The following DSCAML1 variants were observed in gnomAD, a reference collection of about 807,000 sequenced individuals.
DSCAML1 encodes cell adhesion molecule DSCAML1.
In DSCAML1, 38 loss-of-function variants were observed where a neutral mutation model predicts 200.5. The ratio of observed to expected loss-of-function variants is 0.19; its 90% CI spans 0.15 to 0.25. The LOEUF (loss-of-function observed/expected upper bound fraction) is 0.25, where lower values mean the gene tolerates loss of function less well. DSCAML1 is among the 10% of genes least tolerant of loss of function. The probability of loss-of-function intolerance (pLI) is 1.00; values close to 1 mark genes in which losing one functional copy is unlikely to be tolerated. For synonymous variants in DSCAML1, 1,215 were observed against 1,165.0 expected (o/e 1.04, Z -0.87); for missense variants, 2,223 against 2,858.8 (o/e 0.78, Z 5.07).
intron 1 of DSCAML1, among the ~76,000 whole-genome samples, chr11:117,814,809 C>G (rs1365368178): frequency 6.6e-6 from 1 of 152,244 alleles, no homozygotes; most frequent in African/African-American, 2.4e-5. Context: ...GCTCGTCCCC[C>G]TCCTGCCCCC....
chr11:117,749,719 G>C (rs1252426923), intron 3 of DSCAML1, among the ~76,000 whole-genome samples: 1 of 152,242 alleles, frequency 6.6e-6, no homozygotes, highest in African/African-American at 2.4e-5. Context: ...AACCAGCACG[G>C]TCGGGCTGAG....
chr11:117,696,466 A>G (rs2137733005), intron 3 of DSCAML1, among the ~76,000 whole-genome samples: 1 of 152,330 alleles, frequency 6.6e-6, no homozygotes, highest in Non-Finnish European at 1.5e-5. Context: ...GTGCTCTTTG[A>G]AGATTATTTA....
intron 16 of DSCAML1, among the ~76,000 whole-genome samples, chr11:117,466,946 C>T (rs989455957): frequency 6.6e-6 from 1 of 152,186 alleles, no homozygotes; most frequent in African/African-American, 2.4e-5. Context: ...CTGCAGTGCC[C>T]CAGACGCCAA....
intron 6 of DSCAML1, among the ~76,000 whole-genome samples, chr11:117,519,031 T>A (rs556403189): frequency 6.6e-6 from 1 of 152,202 alleles, no homozygotes; most frequent in East Asian, 1.9e-4. Context: ...GAGTCTTTTG[T>A]CTCATGGACG....
intron 21 of DSCAML1, among the ~76,000 whole-genome samples, chr11:117,441,830 T>C (rs2048055938): frequency 6.6e-6 from 1 of 151,564 alleles, no homozygotes; most frequent in East Asian, 1.9e-4. Flanking sequence ...GGCAGAGGGG[T>C]CCACATGAAG....
chr11:117,482,177 C>T lies in DSCAML1; in HGVS notation c.2360-15G>A. On this transcript the variant is annotated splice_polypyrimidine_tract_variant and intron_variant, in intron 11 of 32. Transcript: ENST00000651296. ...CATGGCCGGGACTGGGGGGCGGAGG[C>T]AGAGAAGGCCCAGTGAAGGTCGGGA... 6.2e-7 allele frequency: 1 copy of T among 1,613,654 alleles called. No individual in the cohort carries two copies. Among genetic ancestry groups the T allele is most frequent in the Non-Finnish European group, 8.5e-7 (1 of 1,179,830 alleles).
intron 3 of DSCAML1, among the ~76,000 whole-genome samples, chr11:117,602,174 AAGT>A (rs781729642): frequency 2.0e-5 from 3 of 152,246 alleles, no homozygotes; most frequent in Non-Finnish European, 2.9e-5. Context: ...TTAATTTATC[AAGT>A]AGGTTTGAGC....
chr11:117,682,722 G>T (rs541285709), intron 3 of DSCAML1, among the ~76,000 whole-genome samples: 2 of 152,276 alleles, frequency 1.3e-5, no homozygotes, highest in South Asian at 4.2e-4. Flanking sequence ...AGCCAAGCCT[G>T]GAGAGAATAT....
At chr11:117,720,377 A>T (rs927893472) in intron 3 of DSCAML1, among the ~76,000 whole-genome samples, 2 of 152,048 alleles carry the variant, frequency 1.3e-5, no homozygotes, top group African/African-American at 4.8e-5. Context: ...ACCGAGATGG[A>T]GTCAGACAGG....
chr11:117,437,030 G>A lies in DSCAML1; in HGVS notation c.4720+92C>T. ...TGCATTCCTGCCTGTTTTTCTATTA[G>A]TCTGTCTCTTTATGTATCTGCCACT... On this transcript the variant is annotated intron_variant, in intron 26 of 32. Transcript: ENST00000651296. The surrounding 1 kb of genome is among the most constrained non-coding windows in gnomAD (Gnocchi z 5.3). 2 of 1,482,362 alleles carry A rather than the reference G, an allele frequency of 1.3e-6. No homozygotes were observed. Among genetic ancestry groups the A allele is most frequent in the South Asian group, 1.3e-5 (1 of 75,596 alleles). The allele number at this position is 1,482,362 out of a possible 1,614,324, so 91.8% of individuals were successfully genotyped here. A position where few individuals can be genotyped will look rare whatever the true frequency, so the allele number is the denominator to read the frequency against.
chr11:117,510,239 C>T (rs764973999), intron 8 of DSCAML1, among the ~76,000 whole-genome samples: 2 of 152,166 alleles, frequency 1.3e-5, no homozygotes, highest in African/African-American at 2.4e-5. Flanking sequence ...GAGTGTGCGC[C>T]GTGGGAAGTC....
intron 3 of DSCAML1, among the ~76,000 whole-genome samples, chr11:117,567,458 C>G (rs575534970): frequency 1.0e-3 from 158 of 152,050 alleles, no homozygotes; most frequent in East Asian, 2.3e-3. Flanking sequence ...TGTTTGAGTT[C>G]ATTGTAGATT....
chr11:117,578,236 G>C (rs539127934), intron 3 of DSCAML1, among the ~76,000 whole-genome samples: 32 of 101,392 alleles, frequency 3.2e-4, no homozygotes, highest in Non-Finnish European at 4.4e-4. Flanking sequence ...ACTCTGTCTC[G>C]AAAAAAAAAA....
At chr11:117,794,312 G>C (rs1280163388) in intron 1 of DSCAML1, among the ~76,000 whole-genome samples, 1 of 152,150 alleles carries the variant, frequency 6.6e-6, no homozygotes, top group African/African-American at 2.4e-5. Flanking sequence ...AGAGCGCCTC[G>C]CCGGGGTTCA....
At chr11:117,610,936 T>C (rs1014765365) in intron 3 of DSCAML1, among the ~76,000 whole-genome samples, 10 of 148,072 alleles carry the variant, frequency 6.8e-5, no homozygotes, top group African/African-American at 2.5e-4. Context: ...GTAGCATTGC[T>C]GAGTCAAAGG....
intron 3 of DSCAML1, among the ~76,000 whole-genome samples, chr11:117,600,972 G>A (rs2051454352): frequency 6.6e-6 from 1 of 152,176 alleles, no homozygotes; most frequent in South Asian, 2.1e-4. Context: ...GGACGGGAGG[G>A]AGGGCAGGAA....
intron 3 of DSCAML1, among the ~76,000 whole-genome samples, chr11:117,616,678 A>G (rs1188223064): frequency 6.6e-6 from 1 of 152,212 alleles, no homozygotes. Context: ...GGGTAACACA[A>G]GGGGACTCCT....
At chr11:117,687,483 C>G (rs1158201298) in intron 3 of DSCAML1, among the ~76,000 whole-genome samples, 1 of 135,580 alleles carries the variant, frequency 7.4e-6, no homozygotes, top group Non-Finnish European at 1.5e-5. Flanking sequence ...CCAGGCTGGT[C>G]TCAAACTCCT....
At chr11:117,714,826 G>GAAAAA (rs1555201520) in intron 3 of DSCAML1, among the ~76,000 whole-genome samples, 4 of 115,552 alleles carry the variant, frequency 3.5e-5, no homozygotes, top group Admixed American at 9.8e-5. Flanking sequence ...TCATCTTGAG[G>GAAAAA]AAAAAAAAAA....
Sources: allele counts gnomAD v4.1 joint callset (sites outside exome capture counted in the v4.1 genomes callset), GRCh38; gene constraint gnomAD v4.1.1; non-coding constraint Gnocchi (gnomAD v3.1); transcripts MANE v1.5; gene names NCBI Gene and HGNC (gene_info 2026-07-23, HGNC 2026-07-21).